Variants in UBR1 observed in about 807,000 individuals in gnomAD.
UBR1 encodes the protein ubiquitin protein ligase E3 component n-recognin 1.
Under a neutral mutation model 242.1 loss-of-function variants are expected in UBR1, and 102 were observed. That is an observed-to-expected ratio of 0.42 (90% CI 0.36 to 0.50). The LOEUF is 0.50. UBR1 is among the 20% of genes least tolerant of loss of function. The pLI, the probability that UBR1 is intolerant of heterozygous loss-of-function variation, is 0.01. For synonymous variants in UBR1, 675 were observed against 684.8 expected, an observed-to-expected ratio of 0.99 and a Z score of 0.22; for missense variants, 1,772 against 2,101.8, an observed-to-expected ratio of 0.84 and a Z score of 3.07.
Position 43,037,783 on chromosome 15 carries a change from A to G in UBR1, c.2012T>C (p.Leu671Pro). ...AEMWRRNGLS[L>P]ISQVFYYQDV... ...TAGACTTTGCTGTACCTGGCTAATA[A>G]GAGACAGTCCATTTCTTCGCCACAT... Residue 671 changes from leucine to proline, a missense_variant, in exon 17 of 47, where the codon CTT (leucine) becomes CCT (proline). By Grantham distance (98) the Leu-to-Pro change is moderately conservative. This residue lies in a region of UBR1 where 734 missense variants were observed against 893.3 expected (regional missense o/e 0.82). Transcript: ENST00000290650. 6.2e-7 allele frequency: 1 copy of G among 1,614,098 alleles called. No homozygotes were observed. The highest frequency in any genetic ancestry group is 1.6e-4 in the Middle Eastern group (1 of 6,062).
chr15:43,098,995 T>C (rs1168709554), intron 1 of UBR1, among the ~76,000 whole-genome samples: 2 of 152,182 alleles, frequency 1.3e-5, no homozygotes, highest in Non-Finnish European at 2.9e-5. Context: ...AAATCACATA[T>C]AACTCCTCAC....
intron 14 of UBR1, among the ~76,000 whole-genome samples, chr15:43,044,022 G>C (rs1160551731): frequency 2.0e-5 from 3 of 152,062 alleles, no homozygotes; most frequent in Non-Finnish European, 4.4e-5. Flanking sequence ...TTTAAGTATG[G>C]GGAAAGATAA....
intron 1 of UBR1, chr15:43,091,907 A>C (rs1405766254): frequency 1.1e-5 from 1 of 91,868 alleles, no homozygotes; most frequent in East Asian, 3.1e-4. Flanking sequence ...ACACCATCTC[A>C]AAAAAAAAAA....
rs1394532923 is a variant in UBR1, at chr15:43,043,207, A to G, written c.1849+8T>C. 1 of 1,613,946 alleles carries G rather than the reference A, an allele frequency of 6.2e-7. No homozygotes were observed. Among genetic ancestry groups the G allele is most frequent in the Non-Finnish European group, 8.5e-7 (1 of 1,179,986 alleles). ...AGGTATATGCAAAAAGAAAAAACAA[A>G]CACTCACCAGCAAGGGTCCTAGAGA... On this transcript the variant is annotated splice_region_variant and intron_variant, in intron 15 of 46. Coordinates refer to ENST00000290650, the MANE Select transcript of UBR1 (RefSeq NM_174916.3).
At position 43,015,744 on chromosome 15, in the gene UBR1, CATGAGTTT is replaced by C; in HGVS notation, c.3145_3152del (p.Lys1049ValfsTer2). On this transcript the variant is annotated frameshift_variant, in exon 29 of 47. Coordinates refer to ENST00000290650, the MANE Select transcript of UBR1 (RefSeq NM_174916.3). LOFTEE classifies it high-confidence loss of function. ...CAGGCATTTCTGATGTATTGTCATA[CATGAGTTT>C]ATGAGTTTCAATGAAGTTTTTCTGT... The C allele has an allele frequency of 6.2e-7, 1 of 1,614,144 alleles. No individual in the cohort carries two copies. Among genetic ancestry groups the C allele is most frequent in the Non-Finnish European group, 8.5e-7 (1 of 1,180,012 alleles).
intron 1 of UBR1, among the ~76,000 whole-genome samples, chr15:43,089,388 G>A (rs1027771712): frequency 8.6e-5 from 13 of 151,512 alleles, no homozygotes; most frequent in Middle Eastern, 3.4e-3. Context: ...CCAGCTACTC[G>A]GGAGGCTGAG....
intron 1 of UBR1, among the ~76,000 whole-genome samples, chr15:43,105,200 C>T (rs188079661): frequency 6.6e-6 from 1 of 152,142 alleles, no homozygotes; most frequent in African/African-American, 2.4e-5. Flanking sequence ...ACACTAGATG[C>T]CCTGGGCATC....
intron 41 of UBR1, 113 bp from the exon 42 acceptor site, chr15:42,964,156 ATATT>A: frequency 2.5e-6 from 2 of 787,998 alleles, no homozygotes; most frequent in East Asian, 5.8e-5. Flanking sequence ...TGTAGAGGGT[ATATT>A]GCTTATTCTA....
At chr15:43,076,020 GC>G (rs1464745307) in intron 3 of UBR1, among the ~76,000 whole-genome samples, 1 of 151,714 alleles carries the variant, frequency 6.6e-6, no homozygotes, top group Non-Finnish European at 1.5e-5. Flanking sequence ...TCCCTCTGAT[GC>G]CGAGCCAAAG....
chr15:42,967,552 T>C (rs1157890153), intron 40 of UBR1, among the ~76,000 whole-genome samples: 4 of 151,888 alleles, frequency 2.6e-5, no homozygotes, highest in African/African-American at 7.3e-5. Flanking sequence ...TGACTAATGA[T>C]GTGTGTGGCA....
At chr15:43,063,246 A>G (rs1403024009) in intron 6 of UBR1, among the ~76,000 whole-genome samples, 1 of 152,208 alleles carries the variant, frequency 6.6e-6, no homozygotes, top group Non-Finnish European at 1.5e-5. Flanking sequence ...GAGCAGTAAC[A>G]GGAATAAAGG....
intron 37 of UBR1, among the ~76,000 whole-genome samples, 192 bp downstream of exon 37, chr15:42,983,705 A>ATAATAT (rs1314036591): frequency 2.0e-5 from 3 of 149,246 alleles, no homozygotes; most frequent in African/African-American, 7.3e-5. Context: ...TAATAATATC[A>ATAATAT]CAAGTTTTAC....
At position 43,002,669 on chromosome 15, in the gene UBR1, C is replaced by A; in HGVS notation, c.3545G>T (p.Arg1182Leu). 6.2e-7 allele frequency: 1 copy of A among 1,614,120 alleles called. No homozygotes were observed. The highest frequency in any genetic ancestry group is 8.5e-7 in the Non-Finnish European group (1 of 1,180,028). ...FEAVQLSSQQ[R>L]IHVDLFDLES... The stretch of plus-strand genomic sequence containing the variant: ...CAAGTCAAAAAGGTCAACATGAATG[C>A]GCTGCTGAGAGCTCAGCTGTACAGC... Residue 1182 changes from arginine to leucine, a missense_variant, in exon 32 of 47, where the codon CGC (arginine) becomes CTC (leucine). Arg to Leu is a moderately radical substitution (Grantham distance 102). Coordinates refer to ENST00000290650, the MANE Select transcript of UBR1 (RefSeq NM_174916.3).
At chr15:43,078,098 GA>G (rs2141353777) in intron 3 of UBR1, among the ~76,000 whole-genome samples, 2 of 152,322 alleles carry the variant, frequency 1.3e-5, no homozygotes, top group African/African-American at 4.8e-5. Flanking sequence ...CAGAGGTGCA[GA>G]GGACTTAGAA....
At chr15:42,975,441 C>G (rs888343372) in intron 39 of UBR1, among the ~76,000 whole-genome samples, 21 of 93,244 alleles carry the variant, frequency 2.3e-4, no homozygotes, top group Admixed American at 5.2e-4. Context: ...TAAATTGTTT[C>G]TGTTTTTTTT....
At chr15:43,064,629 T>G (rs1048160284) in intron 6 of UBR1, among the ~76,000 whole-genome samples, 3 of 150,586 alleles carry the variant, frequency 2.0e-5, no homozygotes, top group Non-Finnish European at 4.4e-5. Context: ...TAGGCTGGAG[T>G]GCAGTGGTGC....
chr15:43,052,633 G>A (rs2033570275), intron 12 of UBR1, among the ~76,000 whole-genome samples: 1 of 152,212 alleles, frequency 6.6e-6, no homozygotes, highest in African/African-American at 2.4e-5. Flanking sequence ...TACATTAAGT[G>A]TGGTTATTGC....
intron 32 of UBR1, among the ~76,000 whole-genome samples, chr15:42,999,992 A>G (rs964870708): frequency 3.9e-5 from 6 of 152,168 alleles, no homozygotes. Flanking sequence ...CAAAAAATGG[A>G]AATGTACTAT....
intron 19 of UBR1, among the ~76,000 whole-genome samples, chr15:43,035,165 T>C (rs183807096): frequency 5.9e-5 from 9 of 152,290 alleles, no homozygotes; most frequent in Admixed American, 4.6e-4. Context: ...TTGTTAAGCA[T>C]AGGAAGCAGA....
Sources: allele counts gnomAD v4.1 joint callset (sites outside exome capture counted in the v4.1 genomes callset), GRCh38; gene constraint gnomAD v4.1.1; regional missense constraint gnomAD v4.1.1; transcripts MANE v1.5; gene names NCBI Gene and HGNC (gene_info 2026-07-23, HGNC 2026-07-21).